UQCC1: variants seen among roughly 807,000 people sequenced by gnomAD.
UQCC1 encodes the protein bFGF-repressed Zic-binding protein.
UQCC1 carries 38 observed loss-of-function variants against 48.0 expected under a neutral mutation model. The ratio of observed to expected loss-of-function variants is 0.79; its 90% CI spans 0.61 to 1.04. The LOEUF (loss-of-function observed/expected upper bound fraction) is 1.04, where lower values mean the gene tolerates loss of function less well. Among genes scored for constraint, UQCC1 ranks in the 50% least tolerant of loss-of-function variants. The pLI is 0.00. For missense variants in UQCC1, 368 were observed against 381.8 expected, an observed-to-expected ratio of 0.96 and a Z score of 0.30; for synonymous variants, 111 against 129.2, an observed-to-expected ratio of 0.86 and a Z score of 0.95.
chr20:35,395,509 AAT>A (rs1489002173), intron 1 of UQCC1, among the ~76,000 whole-genome samples: 2 of 151,864 alleles, frequency 1.3e-5, no homozygotes, highest in Admixed American at 6.6e-5. Context: ...ATTATAAATA[AAT>A]AAAAAAAAAA....
chr20:35,314,878 A>G, intron 7 of UQCC1, 113 bp from the exon 8 acceptor site: 1 of 716,542 alleles, frequency 1.4e-6, no homozygotes, highest in Non-Finnish European at 2.2e-6. Context: ...AGAGACGGCC[A>G]CTAACAAGTC....
intron 7 of UQCC1, among the ~76,000 whole-genome samples, chr20:35,335,516 C>T (rs1354932589): frequency 6.6e-6 from 1 of 151,934 alleles, no homozygotes; most frequent in Admixed American, 6.6e-5. Flanking sequence ...TGAAAATATG[C>T]CACAACATGA....
At chr20:35,354,737 A>G (rs886366925) in intron 6 of UQCC1, among the ~76,000 whole-genome samples, 8 of 152,216 alleles carry the variant, frequency 5.3e-5, no homozygotes, top group African/African-American at 1.4e-4. Context: ...ATTGGACCCA[A>G]TAAGTTCAAC....
intron 4 of UQCC1, among the ~76,000 whole-genome samples, chr20:35,381,691 G>A (rs979642726): frequency 6.6e-6 from 1 of 152,166 alleles, no homozygotes; most frequent in Non-Finnish European, 1.5e-5. Context: ...CTTCAAAAAG[G>A]TCGCACATAG....
At chr20:35,360,616 C>T (rs927072004) in intron 6 of UQCC1, among the ~76,000 whole-genome samples, 15 of 152,150 alleles carry the variant, frequency 9.9e-5, no homozygotes, top group South Asian at 2.1e-4. Flanking sequence ...CTTAATTACT[C>T]CTCAATCCCA....
At chr20:35,364,808 T>C (rs1282220362) in intron 6 of UQCC1, among the ~76,000 whole-genome samples, 2 of 152,342 alleles carry the variant, frequency 1.3e-5, no homozygotes, top group African/African-American at 2.4e-5. Context: ...CCTTGGGATG[T>C]GGTCACAGGG....
At chr20:35,350,063 G>A (rs2061473553) in intron 6 of UQCC1, among the ~76,000 whole-genome samples, 1 of 152,090 alleles carries the variant, frequency 6.6e-6, no homozygotes, top group African/African-American at 2.4e-5. Context: ...AGGCCATAGA[G>A]GGAGAAAGAT....
chr20:35,374,403 T>G, intron 4 of UQCC1, 147 bp from the exon 5 acceptor site: 2 of 506,502 alleles, frequency 3.9e-6, no homozygotes, highest in Non-Finnish European at 6.7e-6. Context: ...ATATAAATTT[T>G]TTTTGTTTTC....
chr20:35,332,941 G>C (rs146216664), intron 7 of UQCC1, among the ~76,000 whole-genome samples: 2 of 152,174 alleles, frequency 1.3e-5, no homozygotes, highest in Non-Finnish European at 2.9e-5. Flanking sequence ...CCCTTTGATG[G>C]AGCCAGGTAC....
chr20:35,347,775 C>T (rs2061447009), intron 6 of UQCC1, among the ~76,000 whole-genome samples: 1 of 152,102 alleles, frequency 6.6e-6, no homozygotes, highest in Non-Finnish European at 1.5e-5. Flanking sequence ...AGATGTGGCA[C>T]AAGTTTAAGA....
chr20:35,366,859 C>T (rs1165385346), intron 5 of UQCC1, among the ~76,000 whole-genome samples: 2 of 151,834 alleles, frequency 1.3e-5, no homozygotes, highest in African/African-American at 2.4e-5. Flanking sequence ...TTTGGGAGGC[C>T]GAGGTGGGCA....
chr20:35,311,410 T>C (rs1289895281), intron 8 of UQCC1, among the ~76,000 whole-genome samples: 2 of 152,260 alleles, frequency 1.3e-5, no homozygotes, highest in Non-Finnish European at 2.9e-5. Context: ...AACTGTTCTG[T>C]ATCTGCACTG....
At chr20:35,375,638 C>T (rs1016671070) in intron 4 of UQCC1, among the ~76,000 whole-genome samples, 2 of 151,972 alleles carry the variant, frequency 1.3e-5, no homozygotes, top group Non-Finnish European at 2.9e-5. Context: ...AAAACTGAAA[C>T]AGGAAGATAA....
In UQCC1 at chr20:35,400,717, G is replaced by A. The variant is rs960070047; in HGVS notation, c.25-6521C>T. The stretch of plus-strand genomic sequence containing the variant: ...TCACCATGTTCGCCAGGATGGTCTT[G>A]ATCTCCTGACCTTGTGATCCGCCCG... On this transcript the variant is annotated intron_variant, in intron 1 of 9. Transcript: ENST00000374385. Among the ~76,000 whole-genome samples the A allele has an allele frequency of 1.9e-4, 29 of 151,912 alleles. 1 individual carries two copies. The highest frequency in any genetic ancestry group is 6.5e-4 in the African/African-American group (27 of 41,430).
chr20:35,304,300 G>A (rs937118087), intron 9 of UQCC1, among the ~76,000 whole-genome samples: 1 of 152,114 alleles, frequency 6.6e-6, no homozygotes, highest in Admixed American at 6.5e-5. Flanking sequence ...GCTGGGTGGC[G>A]GGGGCAGTTA....
At chr20:35,364,935 C>A (rs2061649907) in intron 6 of UQCC1, among the ~76,000 whole-genome samples, 2 of 152,166 alleles carry the variant, frequency 1.3e-5, no homozygotes, top group Non-Finnish European at 2.9e-5. Flanking sequence ...GTTCCCCTAG[C>A]CTTCTTGCAA....
chr20:35,352,266 A>T (rs2146401747), intron 6 of UQCC1, among the ~76,000 whole-genome samples: 1 of 152,346 alleles, frequency 6.6e-6, no homozygotes, highest in African/African-American at 2.4e-5. Context: ...GGTAACAATG[A>T]ATACCTAGAT....
chr20:35,408,175 T>C (rs1430608620), intron 1 of UQCC1, among the ~76,000 whole-genome samples: 1 of 152,120 alleles, frequency 6.6e-6, no homozygotes, highest in African/African-American at 2.4e-5. Context: ...ACACCTGTAA[T>C]CCTAACACTT....
In UQCC1 at chr20:35,343,962, C is replaced by G. The variant is rs139575215; in HGVS notation, c.573+3202G>C. ...GGGCAGCACCCTATCTACAACAATC[C>G]AAATAGAAAAAACGGCTGGATAAAA... On this transcript the variant is annotated intron_variant, in intron 7 of 9. Transcript: ENST00000374385. The G allele has an allele frequency of 4.3e-4, 65 of 152,006 alleles. No individual in the cohort carries two copies. The East Asian group carries it at 0.012, about 29-fold the overall frequency. 9.4% of individuals were successfully genotyped at this position (152,006 alleles called of 1,614,324 possible).
Sources: gnomAD v4.1 joint callset for allele counts (sites outside exome capture counted in the v4.1 genomes callset) on GRCh38, gnomAD v4.1.1 for gene constraint, MANE v1.5 for transcripts, NCBI Gene and HGNC (gene_info 2026-07-23, HGNC 2026-07-21) for gene names.